The following RIPOR2 variants were observed in gnomAD, a reference collection of about 807,000 sequenced individuals.
The protein encoded by RIPOR2 is rho family-interacting cell polarization regulator 2.
A neutral mutation model predicts 114.5 loss-of-function variants in RIPOR2; 39 were observed. That is an observed-to-expected ratio of 0.34 (90% CI 0.26 to 0.44). RIPOR2 has a LOEUF of 0.44. Among genes scored for constraint, RIPOR2 ranks in the 20% least tolerant of loss-of-function variants. The pLI, the probability that RIPOR2 is intolerant of heterozygous loss-of-function variation, is 1.00. For synonymous variants in RIPOR2, 445 were observed against 484.4 expected, an observed-to-expected ratio of 0.92 and a Z score of 1.07; for missense variants, 1,007 against 1,255.1, an observed-to-expected ratio of 0.80 and a Z score of 2.99.
chr6:24,841,012 A>G (rs1180392646), intron 13 of RIPOR2, among the ~76,000 whole-genome samples: 1 of 152,208 alleles, frequency 6.6e-6, no homozygotes, highest in Non-Finnish European at 1.5e-5. Flanking sequence ...AATATTGGTC[A>G]TGACAAAGAA....
intron 1 of RIPOR2, among the ~76,000 whole-genome samples, chr6:24,998,089 G>C (rs1010781661): frequency 2.0e-5 from 3 of 152,156 alleles, no homozygotes; most frequent in African/African-American, 2.4e-5. Context: ...AACAGCATGA[G>C]AGAGGATTTT....
At chr6:24,966,469 T>C (rs779572062) in intron 1 of RIPOR2, among the ~76,000 whole-genome samples, 1 of 152,244 alleles carries the variant, frequency 6.6e-6, no homozygotes, top group Non-Finnish European at 1.5e-5. Flanking sequence ...TTGATTCCTA[T>C]ATCAGACAGC....
At position 24,877,263 on chromosome 6, in the gene RIPOR2, A is replaced by G. The variant is rs750102283; in HGVS notation, c.62-1446T>C. On this transcript the variant is annotated intron_variant, in intron 1 of 21. Coordinates refer to ENST00000643898, the MANE Select transcript of RIPOR2 (RefSeq NM_001286445.3). ...TTACTTCCCCAGAGAGAGAAGGACA[A>G]ACAGCCTCCTCCCCCATGTTGCTGC... The G allele has an allele frequency of 1.7e-5, 17 of 985,384 alleles. No homozygotes were observed. In the East Asian group the frequency reaches 1.1e-3, roughly 66 times the overall value. The allele number at this position is 985,384 out of a possible 1,614,324, so 61.0% of individuals were successfully genotyped here.
intron 4 of RIPOR2, among the ~76,000 whole-genome samples, chr6:24,871,330 A>G (rs1233006725): frequency 6.6e-6 from 1 of 152,240 alleles, no homozygotes; most frequent in Non-Finnish European, 1.5e-5. Context: ...CTGTCTAAAC[A>G]AATAAAATTG....
intron 1 of RIPOR2, among the ~76,000 whole-genome samples, chr6:24,921,265 C>T (rs1050235118): frequency 7.9e-5 from 12 of 151,920 alleles, no homozygotes; most frequent in Non-Finnish European, 1.8e-4. Context: ...TGAGCACAAG[C>T]AGTTCTCCTG....
At chr6:24,983,424 G>A (rs1280567379) in intron 1 of RIPOR2, among the ~76,000 whole-genome samples, 2 of 152,084 alleles carry the variant, frequency 1.3e-5, no homozygotes, top group Non-Finnish European at 2.9e-5. Flanking sequence ...AAGACAGCTA[G>A]TTGTCCCCCA....
chr6:24,902,117 G>T (rs1768518282), intron 1 of RIPOR2, among the ~76,000 whole-genome samples: 1 of 152,316 alleles, frequency 6.6e-6, no homozygotes, highest in South Asian at 2.1e-4. Context: ...CAGTCAACTG[G>T]CTGGAGGAAG....
chr6:24,916,921 C>T (rs1770122422), intron 1 of RIPOR2, among the ~76,000 whole-genome samples: 1 of 152,196 alleles, frequency 6.6e-6, no homozygotes, highest in Admixed American at 6.5e-5. Flanking sequence ...TTCTAGCTTC[C>T]ACACCAAGTG....
rs918239880 is a variant in RIPOR2, at chr6:25,041,950, C to A, written c.-24G>T. The A allele has an allele frequency of 5.7e-6, 4 of 700,382 alleles. 1 individual carries two copies. The allele number at this position is 700,382 out of a possible 1,614,324, so 43.4% of individuals were successfully genotyped here. On this transcript the variant is annotated 5_prime_UTR_variant, in exon 1 of 14. Transcript: ENST00000510784. ...ATGGTCCCAACAGAGCGGCCTAAAA[C>A]CTGCTCATGGCAAAGGAACAAAAGG...
At chr6:24,906,719 C>T (rs999865514) in intron 1 of RIPOR2, among the ~76,000 whole-genome samples, 3 of 152,226 alleles carry the variant, frequency 2.0e-5, no homozygotes, top group African/African-American at 7.2e-5. Flanking sequence ...TCACTGCAGC[C>T]TTGACCTTCC....
chr6:24,921,774 A>T (rs1252728481), intron 1 of RIPOR2, among the ~76,000 whole-genome samples: 1 of 152,080 alleles, frequency 6.6e-6, no homozygotes, highest in Non-Finnish European at 1.5e-5. Flanking sequence ...GAGAGCCAGA[A>T]CAGAACTGAA....
intron 19 of RIPOR2, among the ~76,000 whole-genome samples, chr6:24,819,566 T>A (rs1028927207): frequency 6.6e-6 from 1 of 150,612 alleles, no homozygotes; most frequent in Admixed American, 6.7e-5. Flanking sequence ...CAGGCTGGAG[T>A]GCAGTGGTGT....
intron 7 of RIPOR2, 88 bp downstream of exon 7, chr6:24,865,213 T>C: frequency 8.9e-7 from 1 of 1,121,682 alleles, no homozygotes; most frequent in Non-Finnish European, 1.3e-6. Context: ...AGGTTGTGGG[T>C]TGCTGTTTGC....
At chr6:24,990,653 G>A (rs1295337397) in intron 1 of RIPOR2, among the ~76,000 whole-genome samples, 2 of 152,200 alleles carry the variant, frequency 1.3e-5, no homozygotes, top group African/African-American at 2.4e-5. Flanking sequence ...TACTCAAAGG[G>A]TGACTCATAG....
At chr6:24,806,606 A>G (rs1780787960) in intron 21 of RIPOR2, 133 bp from the exon 22 acceptor site, 4 of 614,902 alleles carry the variant, frequency 6.5e-6, no homozygotes, top group African/African-American at 1.9e-5. Flanking sequence ...AGGAAAAGTT[A>G]TCTTTTGTTA....
At chr6:24,935,435 T>C (rs186915199) in intron 1 of RIPOR2, among the ~76,000 whole-genome samples, 161 of 150,574 alleles carry the variant, frequency 1.1e-3, no homozygotes, top group Non-Finnish European at 1.6e-3. Flanking sequence ...CATGGTACCA[T>C]GAAAAACCAC....
At chr6:24,817,758 G>C (rs938365448) in intron 20 of RIPOR2, among the ~76,000 whole-genome samples, 7 of 152,066 alleles carry the variant, frequency 4.6e-5, no homozygotes, top group Non-Finnish European at 8.8e-5. Flanking sequence ...CTCTCTCCCT[G>C]CTCACGACAC....
chr6:24,841,092 A>G (rs9366585), intron 13 of RIPOR2, among the ~76,000 whole-genome samples: 76,681 of 152,018 alleles, frequency 0.5, 20,241 homozygotes, highest in East Asian at 0.86. Flanking sequence ...TACTCTGGAA[A>G]GAAGTCTCTG....
chr6:24,890,473 G>T (rs1194432472), intron 1 of RIPOR2, among the ~76,000 whole-genome samples: 1 of 152,132 alleles, frequency 6.6e-6, no homozygotes, highest in Non-Finnish European at 1.5e-5. Context: ...ATAGAGTATG[G>T]AATGATAGAC....
Sources: gnomAD v4.1 joint callset for allele counts (sites outside exome capture counted in the v4.1 genomes callset) on GRCh38, gnomAD v4.1.1 for gene constraint, MANE v1.5 for transcripts, NCBI Gene and HGNC (gene_info 2026-07-23, HGNC 2026-07-21) for gene names.